SLC5A8: variants seen among roughly 807,000 people sequenced by gnomAD.
The protein encoded by SLC5A8 is sodium-coupled monocarboxylate transporter 1.
In SLC5A8, 55 loss-of-function variants were observed where a neutral mutation model predicts 71.9. The ratio of observed to expected loss-of-function variants is 0.77; its 90% CI spans 0.62 to 0.96. The LOEUF (loss-of-function observed/expected upper bound fraction) is 0.96, where lower values mean the gene tolerates loss of function less well. Ranked by LOEUF, SLC5A8 falls within the 40% of genes least tolerant of loss-of-function variation. SLC5A8 has a pLI of 0.00. For synonymous variants in SLC5A8, 307 were observed against 276.1 expected (o/e 1.11, Z -1.11); for missense variants, 701 against 745.3 (o/e 0.94, Z 0.69).
intron 12 of SLC5A8, 41 bp from the exon 13 acceptor site, chr12:101,162,118 C>T: frequency 7.7e-7 from 1 of 1,305,698 alleles, no homozygotes; most frequent in Non-Finnish European, 1.1e-6. Flanking sequence ...TCATGTAATG[C>T]CACTAGCAAC....
chr12:101,192,971 C>CTTTTTTTT (rs35246165), intron 5 of SLC5A8, among the ~76,000 whole-genome samples: 4 of 125,952 alleles, frequency 3.2e-5, no homozygotes, highest in Non-Finnish European at 3.3e-5. Flanking sequence ...TACCTTTTCT[C>CTTTTTTTT]TTTTTTTTTT....
chr12:101,199,593 A>G (rs1309014499), intron 3 of SLC5A8, among the ~76,000 whole-genome samples: 1 of 152,030 alleles, frequency 6.6e-6, no homozygotes, highest in African/African-American at 2.4e-5. Flanking sequence ...GAAAACTGAA[A>G]CAACAATAAA....
chr12:101,157,508 C>G (rs2051676705), intron 14 of SLC5A8, 107 bp from the exon 15 acceptor site: 1 of 1,346,380 alleles, frequency 7.4e-7, no homozygotes, highest in East Asian at 2.5e-5. Flanking sequence ...CATCAGCTTT[C>G]TAATCTACTG....
chr12:101,178,635 C>A lies in SLC5A8; in HGVS notation c.1233+1394G>T, dbSNP rs369877909. Among the ~76,000 whole-genome samples, 5 of 152,224 alleles carry A rather than the reference C, an allele frequency of 3.3e-5. No homozygotes were observed. In the East Asian group the frequency reaches 9.6e-4, roughly 29 times the overall value. On this transcript the variant is annotated intron_variant, in intron 10 of 14. Coordinates refer to ENST00000536262, the MANE Select transcript of SLC5A8 (RefSeq NM_145913.5). ...GAAAAGAGAATGTCAACCTAAGTCT[C>A]ACATTTTATACAAAATTAACTCCAA...
Position 101,202,060 on chromosome 12 carries a change from C to G in SLC5A8, c.469+104G>C, listed in dbSNP as rs373597897. Reference sequence around the variant, plus strand: ...CGCTAAGTAAAGCTGATGCAGGTTACTAGAAGCATTCCTCCATCTCCCCAT... The same window carrying G: ...CGCTAAGTAAAGCTGATGCAGGTTAGTAGAAGCATTCCTCCATCTCCCCAT... On this transcript the variant is annotated intron_variant, in intron 3 of 14. Transcript: ENST00000536262. 8.2e-5 allele frequency: 92 copies of G among 1,117,840 alleles called. 2 individuals are homozygous for G. The highest frequency in any genetic ancestry group is 6.6e-4 in the East Asian group (26 of 39,280). 69.2% of individuals were successfully genotyped at this position (1,117,840 alleles called of 1,614,324 possible). A position where few individuals can be genotyped will look rare whatever the true frequency, so the allele number is the denominator to read the frequency against.
chr12:101,209,474 G>T, intron 1 of SLC5A8, 24 bp downstream of exon 1: 1 of 1,535,886 alleles, frequency 6.5e-7, no homozygotes, highest in South Asian at 1.3e-5. Flanking sequence ...GCCCTGCATG[G>T]TCCCAGCCCA....
At position 101,166,675 on chromosome 12, in the gene SLC5A8, C is replaced by T. The variant is rs199745644; in HGVS notation, c.1345G>A (p.Gly449Arg). The T allele has an allele frequency of 2.4e-5, 39 of 1,611,494 alleles. No homozygotes were observed. In the African/African-American group the frequency reaches 4.0e-4, roughly 17 times the overall value. ...SIGALVGLMA[G>R]FAISLWVGIG... ...CCAACCCATAGAGAAATGGCAAATC[C>T]AGCCATCAGACCAACAAGTGCTCCC... is the stretch of plus-strand genomic sequence containing the variant. The change falls in exon 12 of 15, where the codon GGA (glycine) becomes AGA (arginine). Residue 449 changes from glycine (G) to arginine (R), a missense_variant. Transcript: ENST00000536262.
intron 10 of SLC5A8, among the ~76,000 whole-genome samples, chr12:101,179,392 T>C (rs763939316): frequency 6.6e-6 from 1 of 152,184 alleles, no homozygotes; most frequent in Non-Finnish European, 1.5e-5. Flanking sequence ...CTGGAAACAA[T>C]TTAGATGTCC....
In SLC5A8 at chr12:101,193,606, C is replaced by T; in HGVS notation, c.692+19G>A. On this transcript the variant is annotated intron_variant, in intron 5 of 14. Coordinates refer to ENST00000536262, the MANE Select transcript of SLC5A8 (RefSeq NM_145913.5). The stretch of plus-strand genomic sequence containing the variant: ...GAATACAAAAGATGTGTTCAGTTAC[C>T]CAAGTACTAGACACTTACTTCCAGA... 1.9e-6 allele frequency: 3 copies of T among 1,601,748 alleles called. No homozygotes were observed. Among genetic ancestry groups the T allele is most frequent in the Non-Finnish European group, 2.6e-6 (3 of 1,174,630 alleles).
chr12:101,177,824 C>A (rs572400844), intron 10 of SLC5A8, among the ~76,000 whole-genome samples: 1 of 152,164 alleles, frequency 6.6e-6, no homozygotes, highest in East Asian at 1.9e-4. Flanking sequence ...CATTGGGGAA[C>A]TGGGTAAGGA....
chr12:101,190,402 T>C, intron 6 of SLC5A8, 66 bp downstream of exon 6: 2 of 1,542,656 alleles, frequency 1.3e-6, no homozygotes, highest in Non-Finnish European at 1.8e-6. Context: ...ACGTGACTTA[T>C]GAAAGAGTTT....
chr12:101,204,660 C>T, intron 1 of SLC5A8, 95 bp from the exon 2 acceptor site: 2 of 753,776 alleles, frequency 2.7e-6, no homozygotes, highest in Non-Finnish European at 4.4e-6. Context: ...TGTAAAGCAA[C>T]TTCATAACTG....
chr12:101,162,063 T>C lies in SLC5A8; in HGVS notation c.1541A>G (p.Asp514Gly). The C allele has an allele frequency of 6.2e-7, 1 of 1,613,372 alleles. No homozygotes were observed. Residue 514 changes from aspartate (D) to glycine (G), a missense_variant, in exon 13 of 15, where the codon GAT becomes GGT. Transcript: ENST00000536262. Reference protein sequence around the residue: ...IYNVQRTPLMDNWYSLSYLYF... With the variant: ...IYNVQRTPLMGNWYSLSYLYF... The stretch of plus-strand genomic sequence containing the variant: ...CAGATATGATAAAGAATACCAGTTA[T>C]CCATCAGTGGAGTCCTAAGAGAGCA...
At chr12:101,195,009 A>G (rs1056919510) in intron 4 of SLC5A8, 86 bp downstream of exon 4, 4 of 1,336,120 alleles carry the variant, frequency 3.0e-6, no homozygotes, top group Non-Finnish European at 4.3e-6. Context: ...GTGTGGACAA[A>G]CAAGATTGCG....
At position 101,187,463 on chromosome 12, in the gene SLC5A8, A is replaced by G; in HGVS notation, c.886T>C (p.Phe296Leu). Reference sequence around the variant, plus strand: ...CTGGAATATAGGGCGAGCCCACAAAACACTGAGCATGTGAGGATTGCCCAG... The same window carrying G: ...CTGGAATATAGGGCGAGCCCACAAAGCACTGAGCATGTGAGGATTGCCCAG... ...GLWAILTCSV[F>L]CGLALYSRYH... is the part of the protein sequence containing the mutation. Residue 296 changes from phenylalanine (F) to leucine (L), a missense_variant, in exon 7 of 15, where the codon TTT becomes CTT. Transcript: ENST00000536262. 12 of 1,614,046 alleles carry G rather than the reference A, an allele frequency of 7.4e-6. No homozygotes were observed. Among genetic ancestry groups the G allele is most frequent in the Non-Finnish European group, 9.3e-6 (11 of 1,179,962 alleles).
chr12:101,170,817 A>G (rs1265019136), intron 10 of SLC5A8, among the ~76,000 whole-genome samples: 12 of 152,056 alleles, frequency 7.9e-5, no homozygotes, highest in Non-Finnish European at 1.5e-5. Context: ...GACTTTCACC[A>G]TGGCCCAGCA....
intron 13 of SLC5A8, among the ~76,000 whole-genome samples, chr12:101,161,247 A>G (rs1248311597): frequency 6.6e-6 from 1 of 152,220 alleles, no homozygotes; most frequent in Non-Finnish European, 1.5e-5. Context: ...CTTTCTTGAG[A>G]ATATGCTATA....
intron 12 of SLC5A8, among the ~76,000 whole-genome samples, chr12:101,164,526 C>G (rs982780277): frequency 2.0e-5 from 3 of 152,192 alleles, no homozygotes; most frequent in African/African-American, 2.4e-5. Context: ...TGGCTCACAA[C>G]CCTTGTGCTC....
intron 6 of SLC5A8, among the ~76,000 whole-genome samples, chr12:101,188,924 C>G (rs1868777877): frequency 6.6e-6 from 1 of 152,178 alleles, no homozygotes; most frequent in Non-Finnish European, 1.5e-5. Flanking sequence ...TTATCAACAT[C>G]TCATACTGTC....
Sources: allele counts gnomAD v4.1 joint callset (sites outside exome capture counted in the v4.1 genomes callset), GRCh38; gene constraint gnomAD v4.1.1; transcripts MANE v1.5; gene names NCBI Gene and HGNC (gene_info 2026-07-23, HGNC 2026-07-21).